Variants in CSMD1 observed in about 807,000 individuals in gnomAD.
CSMD1 encodes CUB and Sushi multiple domains 1, also known as CUB and sushi domain-containing protein 1.
In CSMD1, 213 loss-of-function variants were observed where a neutral mutation model predicts 417.5. The observed-to-expected ratio is 0.51, with a 90% confidence interval of 0.46 to 0.57. CSMD1 has a LOEUF of 0.57. CSMD1 is among the 20% of genes least tolerant of loss of function. The pLI, the probability that CSMD1 is intolerant of heterozygous loss-of-function variation, is 0.00. For missense variants in CSMD1, 6,923 were observed against 4,529.7 expected (o/e 1.53, Z -15.17); for synonymous variants, 2,862 against 1,736.8 (o/e 1.65, Z -16.11).
chr8:4,107,981 C>G (rs1002747908), intron 3 of CSMD1, among the ~76,000 whole-genome samples: 4 of 151,324 alleles, frequency 2.6e-5, no homozygotes, highest in Admixed American at 1.3e-4. Flanking sequence ...GACCGGGGAG[C>G]TTAGAGAAGT....
intron 7 of CSMD1, among the ~76,000 whole-genome samples, chr8:3,653,389 AC>A (rs1282463207): frequency 4.6e-5 from 7 of 152,022 alleles, no homozygotes; most frequent in African/African-American, 1.4e-4. Flanking sequence ...GCTCATTGCA[AC>A]CTCCGCCTCC....
intron 5 of CSMD1, among the ~76,000 whole-genome samples, chr8:3,890,022 T>C (rs961294510): frequency 5.3e-5 from 8 of 152,082 alleles, no homozygotes; most frequent in African/African-American, 1.2e-4. Context: ...TCTCAAAAAA[T>C]ATAAACATTT....
intron 50 of CSMD1, among the ~76,000 whole-genome samples, chr8:3,045,211 T>C (rs566014045): frequency 2.6e-5 from 4 of 152,330 alleles, no homozygotes; most frequent in East Asian, 1.9e-4. Flanking sequence ...TATTTCCTCA[T>C]GTTACTGAAC....
chr8:4,797,529 T>C (rs1467833607), intron 1 of CSMD1, among the ~76,000 whole-genome samples: 3 of 152,138 alleles, frequency 2.0e-5, no homozygotes, highest in Admixed American at 2.0e-4. Context: ...CCACAATTCC[T>C]TTTGCACCAA....
chr8:3,841,125 A>G (rs1053281738), intron 5 of CSMD1, among the ~76,000 whole-genome samples: 1 of 152,116 alleles, frequency 6.6e-6, no homozygotes, highest in East Asian at 1.9e-4. Context: ...GCCTGGCACT[A>G]TTGGCCCCCT....
At chr8:4,003,166 G>T (rs564337041) in intron 4 of CSMD1, among the ~76,000 whole-genome samples, 1 of 152,108 alleles carries the variant, frequency 6.6e-6, no homozygotes, top group African/African-American at 2.4e-5. Context: ...GCCCTAGGAG[G>T]GTGGATCACG....
intron 5 of CSMD1, among the ~76,000 whole-genome samples, chr8:3,755,677 G>A (rs556610797): frequency 6.6e-6 from 1 of 152,256 alleles, no homozygotes; most frequent in Admixed American, 6.5e-5. Context: ...GAAATACATA[G>A]TCAAGCTTTC....
At chr8:3,481,410 A>C (rs2036276) in intron 11 of CSMD1, among the ~76,000 whole-genome samples, 3,002 of 152,242 alleles carry the variant, frequency 0.02, 33 homozygotes, top group Middle Eastern at 0.065. Context: ...TAATAATTTC[A>C]AAAAGTTGAA....
chr8:4,625,799 T>C (rs796579013), intron 2 of CSMD1, among the ~76,000 whole-genome samples: 7 of 152,146 alleles, frequency 4.6e-5, no homozygotes, highest in South Asian at 2.1e-4. Context: ...TCTCAGCTCA[T>C]TCCAATCTCT....
intron 3 of CSMD1, among the ~76,000 whole-genome samples, chr8:4,230,672 A>G (rs931710181): frequency 2.0e-5 from 3 of 152,196 alleles, no homozygotes; most frequent in African/African-American, 4.8e-5. Context: ...CATAAATATT[A>G]TAAATTTTTA....
chr8:4,346,795 T>G (rs1800800954), intron 3 of CSMD1, among the ~76,000 whole-genome samples: 1 of 152,230 alleles, frequency 6.6e-6, no homozygotes, highest in African/African-American at 2.4e-5. Context: ...TGGTAAGCTC[T>G]GGATACAATG....
At chr8:3,157,021 T>C (rs922459674) in intron 39 of CSMD1, among the ~76,000 whole-genome samples, 1 of 146,414 alleles carries the variant, frequency 6.8e-6, no homozygotes, top group African/African-American at 2.5e-5. Context: ...AGGATACTGC[T>C]AATAGCATTC....
chr8:4,051,275 C>T (rs1451753204), intron 3 of CSMD1, among the ~76,000 whole-genome samples: 3 of 148,656 alleles, frequency 2.0e-5, no homozygotes, highest in African/African-American at 7.7e-5. Context: ...TTTTACAAAG[C>T]CTGCACAAAA....
rs199764157 is a variant in CSMD1 at position 3,387,555 on chromosome 8, G to A, written c.2721C>T (p.Asp907=). ...FSCDPGYTLS[D]DEPLVCERNH... ...TCCTCTCACAGACGAGGGGCTCGTC[G>A]TCACTTAGTGTGTACCCCGGGTCAC... The change falls in exon 18 of 70, where the codon GAC becomes GAT. Residue 907 remains aspartate (D), a synonymous_variant. Coordinates refer to ENST00000635120, the MANE Select transcript of CSMD1 (RefSeq NM_033225.6). The A allele has an allele frequency of 3.1e-6, 5 of 1,601,370 alleles. No homozygotes were observed. Among genetic ancestry groups the A allele is most frequent in the East Asian group, 4.5e-5 (2 of 44,288 alleles).
At chr8:4,318,741 C>G (rs527292057) in intron 3 of CSMD1, among the ~76,000 whole-genome samples, 1 of 148,584 alleles carries the variant, frequency 6.7e-6, no homozygotes, top group East Asian at 2.0e-4. Context: ...ACTCTCTGTA[C>G]TGGTTGTACA....
intron 4 of CSMD1, among the ~76,000 whole-genome samples, chr8:4,003,411 A>AAAACAAAC (rs538851769): frequency 5.4e-5 from 7 of 129,710 alleles, no homozygotes; most frequent in African/African-American, 2.7e-5. Context: ...AACAAACAAA[A>AAAACAAAC]AAACAAACAA....
intron 3 of CSMD1, among the ~76,000 whole-genome samples, chr8:4,153,602 T>C (rs1156370039): frequency 6.6e-6 from 1 of 152,212 alleles, no homozygotes; most frequent in Admixed American, 6.5e-5. Flanking sequence ...TGCCCTGAGA[T>C]GTCCCTGCTC....
chr8:3,041,654 G>A (rs1811108121), intron 50 of CSMD1, among the ~76,000 whole-genome samples: 1 of 152,238 alleles, frequency 6.6e-6, no homozygotes. Context: ...AGATAGAAAT[G>A]TGTGCTAATA....
intron 54 of CSMD1, among the ~76,000 whole-genome samples, chr8:2,981,395 G>A (rs2128939683): frequency 6.6e-6 from 1 of 152,272 alleles, no homozygotes; most frequent in Non-Finnish European, 1.5e-5. Context: ...AGTTCATGGT[G>A]CGGAGATATG....
Sources: allele counts gnomAD v4.1 joint callset (sites outside exome capture counted in the v4.1 genomes callset), GRCh38; gene constraint gnomAD v4.1.1; transcripts MANE v1.5; gene names NCBI Gene and HGNC (gene_info 2026-07-23, HGNC 2026-07-21).